Variants in ACTR3B observed in about 807,000 individuals in gnomAD.
ACTR3B encodes actin-related protein 3B.
In ACTR3B, 8 loss-of-function variants were observed where a neutral mutation model predicts 59.0. That is an observed-to-expected ratio of 0.14 (90% CI 0.08 to 0.24). The LOEUF (loss-of-function observed/expected upper bound fraction) is 0.24. Ranked by LOEUF, ACTR3B falls within the 10% of genes least tolerant of loss-of-function variation. The pLI is 1.00. For missense variants in ACTR3B, 245 were observed against 552.3 expected (o/e 0.44, Z 5.58); for synonymous variants, 148 against 197.9 (o/e 0.75, Z 2.12).
At chr7:152,798,479 A>G (rs1304892585) in intron 2 of ACTR3B, among the ~76,000 whole-genome samples, 1 of 151,982 alleles carries the variant, frequency 6.6e-6, no homozygotes, top group Admixed American at 6.6e-5. Context: ...CATTCTATAG[A>G]TTGTCTCTTC....
intron 2 of ACTR3B, among the ~76,000 whole-genome samples, chr7:152,792,775 A>C (rs1205220869): frequency 2.6e-5 from 4 of 151,978 alleles, no homozygotes. Context: ...ACAAAAACAA[A>C]AACAACAACA....
chr7:152,852,248 C>G lies in ACTR3B; in HGVS notation c.1074C>G (p.Ile358Met), dbSNP rs753221447. 1 of 1,609,726 alleles carries G rather than the reference C, an allele frequency of 6.2e-7. No homozygotes were observed. Among genetic ancestry groups the G allele is most frequent in the Non-Finnish European group, 8.5e-7 (1 of 1,178,072 alleles). Residue 358 changes from isoleucine to methionine, a missense_variant, in exon 10 of 12, where the codon ATC becomes ATG. Physicochemically the swap from Ile to Met is conservative, Grantham distance 10. Around this residue, in one of 7 missense-constraint regions of ACTR3B, gnomAD observed 153 missense variants for 266.2 expected, o/e 0.57. Transcript: ENST00000256001. ...RLSEELSGGR[I>M]KPKPVEVQVV... ...GCGAGGAGCTCAGCGGCGGGAGGAT[C>G]AAGGTAGGAGCCAGAGGCCTCCACG...
At chr7:152,800,676 T>C in intron 3 of ACTR3B, 21 bp downstream of exon 3, 6 of 1,612,428 alleles carry the variant, frequency 3.7e-6, no homozygotes, top group Non-Finnish European at 5.1e-6. Flanking sequence ...GACAGGTGTT[T>C]GCTTCTCTAA....
At chr7:152,778,035 T>C (rs777669774) in intron 1 of ACTR3B, among the ~76,000 whole-genome samples, 5 of 152,124 alleles carry the variant, frequency 3.3e-5, no homozygotes, top group African/African-American at 7.2e-5. Context: ...ATTTGTAATA[T>C]CTAATTCTTC....
chr7:152,773,385 G>A (rs1260959820), intron 1 of ACTR3B, among the ~76,000 whole-genome samples: 1 of 152,044 alleles, frequency 6.6e-6, no homozygotes. Flanking sequence ...GTCAGAGTTC[G>A]AGACCAGCCT....
intron 7 of ACTR3B, among the ~76,000 whole-genome samples, chr7:152,820,881 T>G (rs1796090884): frequency 6.6e-6 from 1 of 152,248 alleles, no homozygotes; most frequent in South Asian, 2.1e-4. Flanking sequence ...CATAAGCATC[T>G]TCTTCCTTTA....
intron 1 of ACTR3B, among the ~76,000 whole-genome samples, chr7:152,768,468 C>T (rs138303383): frequency 0.021 from 3,169 of 152,094 alleles, 100 homozygotes; most frequent in African/African-American, 0.071. Context: ...AGAGGGTTTG[C>T]GAATGTTCTT....
chr7:152,825,608 T>C (rs1342144863), intron 9 of ACTR3B, among the ~76,000 whole-genome samples: 1 of 152,176 alleles, frequency 6.6e-6, no homozygotes, highest in East Asian at 1.9e-4. Context: ...TGAGCCACCA[T>C]GCCCGGCCAA....
rs924037931 is a variant in ACTR3B at position 152,824,911 on chromosome 7, G to A, written c.859-119G>A. 1.7e-6 allele frequency: 2 copies of A among 1,150,538 alleles called. No individual in the cohort carries two copies. Among genetic ancestry groups the A allele is most frequent in the East Asian group, 2.7e-5 (1 of 37,278 alleles). The allele number at this position is 1,150,538 out of a possible 1,614,324, so 71.3% of individuals were successfully genotyped here. A position where few individuals can be genotyped will look rare whatever the true frequency, so the allele number is the denominator to read the frequency against. ...CATTTGACATATCCTTCATTCCAAT[G>A]TGAATTCTTTTAAGTTATAATAAAT... On this transcript the variant is annotated intron_variant, in intron 8 of 11. Transcript: ENST00000256001. The surrounding 1 kb of genome is among the most constrained non-coding windows in gnomAD (Gnocchi z 4.2).
chr7:152,789,051 A>AAC (rs1554435494), intron 2 of ACTR3B, among the ~76,000 whole-genome samples: 12 of 99,474 alleles, frequency 1.2e-4, no homozygotes, highest in East Asian at 7.1e-4. Flanking sequence ...CAACAACAAC[A>AAC]AACAGCAACA....
At chr7:152,766,889 C>T (rs1462292587) in intron 1 of ACTR3B, among the ~76,000 whole-genome samples, 2 of 152,048 alleles carry the variant, frequency 1.3e-5, no homozygotes, top group Non-Finnish European at 2.9e-5. Context: ...TGGGTTCAAG[C>T]GATTCTCCTG....
chr7:152,850,356 T>TG (rs1798702036), intron 9 of ACTR3B, among the ~76,000 whole-genome samples: 1 of 149,966 alleles, frequency 6.7e-6, no homozygotes. Flanking sequence ...CTTCTCCAGG[T>TG]GGAAGGCCAG....
At chr7:152,790,462 A>G (rs1458255099) in intron 2 of ACTR3B, among the ~76,000 whole-genome samples, 13 of 152,130 alleles carry the variant, frequency 8.5e-5, no homozygotes, top group Admixed American at 7.9e-4. Context: ...GGATTACAGG[A>G]ATGAGCCACC....
Position 152,854,049 on chromosome 7 carries a change from A to ATT in ACTR3B, c.1162-409_1162-408insTT, listed in dbSNP as rs1799061750. Among the ~76,000 whole-genome samples the ATT allele has an allele frequency of 6.6e-6, 1 of 152,194 alleles. No individual in the cohort carries two copies. Among genetic ancestry groups the ATT allele is most frequent in the African/African-American group, 2.4e-5 (1 of 41,444 alleles). On this transcript the variant is annotated intron_variant, in intron 11 of 11. Coordinates refer to ENST00000256001, the MANE Select transcript of ACTR3B (RefSeq NM_020445.6). The surrounding 1 kb of genome is among the most constrained non-coding windows in gnomAD (Gnocchi z 4.9). ...GGCCCGATATAAACTATATCTTAAT[A>ATT]ATCACACAACACATTTATCACGTGT...
At position 152,801,683 on chromosome 7, in the gene ACTR3B, G is replaced by A. The variant is rs141123776; in HGVS notation, c.288G>A (p.Val96=). 704 of 1,512,928 alleles carry A rather than the reference G, an allele frequency of 4.7e-4. 3 individuals are homozygous for A. The African/African-American group carries it at 8.7e-3, about 19-fold the overall frequency. The allele number at this position is 1,512,928 out of a possible 1,614,324, so 93.7% of individuals were successfully genotyped here. A position where few individuals can be genotyped will look rare whatever the true frequency, so the allele number is the denominator to read the frequency against. The change falls in exon 4 of 12, where the codon GTG becomes GTA. Residue 96 remains valine (V), a synonymous_variant. Coordinates refer to ENST00000256001, the MANE Select transcript of ACTR3B (RefSeq NM_020445.6). ...TTATGGAAAGGTTCATGGAGCAAGT[G>A]GTTTTTAAATATCTTCGAGCTGAAC... is the stretch of plus-strand genomic sequence containing the variant. The part of the protein sequence containing the change: ...WDLMERFMEQ[V]VFKYLRAEPE...
intron 1 of ACTR3B, among the ~76,000 whole-genome samples, chr7:152,770,295 G>A (rs111340377): frequency 0.015 from 2,338 of 152,212 alleles, 41 homozygotes; most frequent in African/African-American, 0.037. Flanking sequence ...TGGCATCCCC[G>A]CCCATCTCTG....
chr7:152,764,162 C>T (rs547891970), intron 1 of ACTR3B, among the ~76,000 whole-genome samples: 1 of 151,610 alleles, frequency 6.6e-6, no homozygotes, highest in Admixed American at 6.6e-5. Flanking sequence ...TACACCACCA[C>T]GCATGGCTGT....
rs764007742 is a variant in ACTR3B, at chr7:152,816,452, T to C, written c.433-29T>C. 9.2e-6 allele frequency: 14 copies of C among 1,529,376 alleles called. No homozygotes were observed. In the African/African-American group the frequency reaches 1.9e-4, roughly 21 times the overall value. 94.7% of individuals were successfully genotyped at this position (1,529,376 alleles called of 1,614,324 possible). ...GGTGGCTTTAGAAAGAGTTCCTATG[T>C]GCGAGCGGTTTTCATGTCTTTTCTC... On this transcript the variant is annotated intron_variant, in intron 5 of 11. Coordinates refer to ENST00000256001, the MANE Select transcript of ACTR3B (RefSeq NM_020445.6).
At chr7:152,846,652 CAGTCTGT>C (rs1563155770) in intron 9 of ACTR3B, among the ~76,000 whole-genome samples, 1 of 91,556 alleles carries the variant, frequency 1.1e-5, no homozygotes. Flanking sequence ...GCCCGGGCTG[CAGTCTGT>C]AGTGAGCTCT....
Sources: gnomAD v4.1 joint callset for allele counts (sites outside exome capture counted in the v4.1 genomes callset) on GRCh38, gnomAD v4.1.1 for gene constraint, gnomAD v4.1.1 regional missense constraint, Gnocchi (gnomAD v3.1) non-coding constraint, MANE v1.5 for transcripts, NCBI Gene and HGNC (gene_info 2026-07-23, HGNC 2026-07-21) for gene names.